The following H3C12 variants were observed in gnomAD, a reference collection of about 807,000 sequenced individuals.
The protein encoded by H3C12 is histone H3.1.
A neutral mutation model predicts 7.0 loss-of-function variants in H3C12; 7 were observed. The ratio of observed to expected loss-of-function variants is 1.00; its 90% CI spans 0.57 to 1.87. H3C12 has a LOEUF of 1.87. Ranked by LOEUF, H3C12 falls within the 40% of genes most tolerant of loss-of-function variation. The pLI, the probability that H3C12 is intolerant of heterozygous loss-of-function variation, is 0.00. For missense variants in H3C12, 167 were observed against 191.4 expected (o/e 0.87, Z 0.75); for synonymous variants, 100 against 78.5 (o/e 1.27, Z -1.45).
rs200973 is a variant in H3C12 at position 27,890,643 on chromosome 6, A to G, written c.150T>C (p.Arg50=). The G allele has an allele frequency of 0.17, 271,570 of 1,604,756 alleles. 24,315 individuals are homozygous for G. Among genetic ancestry groups the G allele is most frequent in the African/African-American group, 0.2 (14,788 of 74,830 alleles). Residue 50 remains arginine, a synonymous_variant, in exon 1 of 1, where the codon CGT becomes CGC. Transcript: ENST00000359303. ...HRYRPGTVAL[R]EIRRYQKSTE... ...TCGACTTCTGATAACGGCGGATCTC[A>G]CGCAAGGCCACGGTGCCTGGCCTGT...
In H3C12 at chr6:27,890,817, G is replaced by A. The variant is rs749869229; in HGVS notation, c.-25C>T. The stretch of plus-strand genomic sequence containing the variant: ...TAGTTGAGAAAGCTATGCTCTGAAA[G>A]CAAGCAGCTGAATGAGCAGTGGCTT... On this transcript the variant is annotated 5_prime_UTR_variant, in exon 1 of 1. Coordinates refer to ENST00000359303, the MANE Select transcript of H3C12 (RefSeq NM_003535.3). 1.3e-6 allele frequency: 2 copies of A among 1,589,088 alleles called. No homozygotes were observed.
Position 27,890,664 on chromosome 6 carries a change from C to T in H3C12, c.129G>A (p.Arg43=), listed in dbSNP as rs1359144150. Residue 43 remains arginine, a synonymous_variant, in exon 1 of 1, where the codon AGG becomes AGA. Coordinates refer to ENST00000359303, the MANE Select transcript of H3C12 (RefSeq NM_003535.3). ...TCTCACGCAAGGCCACGGTGCCTGG[C>T]CTGTAGCGGTGGGGCTTCTTCACAC... is the stretch of plus-strand genomic sequence containing the variant. ...TGGVKKPHRY[R]PGTVALREIR... 4 of 1,614,220 alleles carry T rather than the reference C, an allele frequency of 2.5e-6. No homozygotes were observed. The highest frequency in any genetic ancestry group is 2.5e-6 in the Non-Finnish European group (3 of 1,180,028).
chr6:27,890,447 T>C lies in H3C12; in HGVS notation c.346A>G (p.Lys116Glu). ...TCCTTAGGCATAATAGTGACACGCT[T>C]GGCGTGAATAGCACAGAGGTTGGTG... ...EDTNLCAIHA[K>E]RVTIMPKDIQ... The change falls in exon 1 of 1, where the codon AAG (lysine) becomes GAG (glutamate). Residue 116 changes from lysine (K) to glutamate (E), a missense_variant. By Grantham distance (56) the Lys-to-Glu change is moderately conservative (BLOSUM62 1). Transcript: ENST00000359303. 1 of 1,613,740 alleles carries C rather than the reference T, an allele frequency of 6.2e-7. No individual in the cohort carries two copies. Among genetic ancestry groups the C allele is most frequent in the Non-Finnish European group, 8.5e-7 (1 of 1,179,706 alleles).
Position 27,890,503 on chromosome 6 carries a change from C to T in H3C12, c.290G>A (p.Cys97Tyr), listed in dbSNP as rs1761876450. 5 of 1,614,164 alleles carry T rather than the reference C, an allele frequency of 3.1e-6. No homozygotes were observed. Among genetic ancestry groups the T allele is most frequent in the Non-Finnish European group, 4.2e-6 (5 of 1,180,052 alleles). ...AAAGAGACCCACCAGATAGGCCTCG[C>T]ACGCCTCTTGCAGCGCCATCACCGC... The part of the protein sequence containing the change: ...SSAVMALQEA[C>Y]EAYLVGLFED... Residue 97 changes from cysteine (C) to tyrosine (Y), a missense_variant, in exon 1 of 1, where the codon TGC becomes TAC. By Grantham distance (194) the Cys-to-Tyr change is radical. Around this residue, in one of 2 missense-constraint regions of H3C12, gnomAD observed 121 missense variants for 112.5 expected, o/e 1.08. Coordinates refer to ENST00000359303, the MANE Select transcript of H3C12 (RefSeq NM_003535.3).
rs755660727 is a variant in H3C12, at chr6:27,890,648, AGGCCACGGTGCCT to A, written c.132_144del (p.Gly45CysfsTer42). ...TTCTGATAACGGCGGATCTCACGCA[AGGCCACGGTGCCT>A]GGCCTGTAGCGGTGGGGCTTCTTCA... is the stretch of plus-strand genomic sequence containing the variant. On this transcript the variant is annotated frameshift_variant, in exon 1 of 1. Transcript: ENST00000359303. LOFTEE classifies it high-confidence loss of function. The A allele has an allele frequency of 2.5e-6, 4 of 1,614,220 alleles. No homozygotes were observed. The highest frequency in any genetic ancestry group is 3.4e-6 in the Non-Finnish European group (4 of 1,180,016).
Position 27,890,355 on chromosome 6 carries a change from T to C in H3C12, c.*27A>G, listed in dbSNP as rs1379513859. ...AGAGCCTTTGGAAGCTTGGAAGCAATTAAGAAACCCAAGATAGAGCAGGGG... is the reference window on the plus strand; with the variant it reads ...AGAGCCTTTGGAAGCTTGGAAGCAACTAAGAAACCCAAGATAGAGCAGGGG... On this transcript the variant is annotated 3_prime_UTR_variant, in exon 1 of 1. Transcript: ENST00000359303. 1 of 1,524,740 alleles carries C rather than the reference T, an allele frequency of 6.6e-7. No individual in the cohort carries two copies. The highest frequency in any genetic ancestry group is 8.8e-7 in the Non-Finnish European group (1 of 1,137,394). 94.5% of individuals were successfully genotyped at this position (1,524,740 alleles called of 1,614,324 possible).
chr6:27,890,458 G>C lies in H3C12; in HGVS notation c.335C>G (p.Ala112Gly). Residue 112 changes from alanine to glycine, a missense_variant, in exon 1 of 1, where the codon GCT becomes GGT. By Grantham distance (60) the Ala-to-Gly change is moderately conservative (BLOSUM62 0). This residue lies in a region of H3C12 where 121 missense variants were observed against 112.5 expected (regional missense o/e 1.08). Transcript: ENST00000359303. ...AATAGTGACACGCTTGGCGTGAATA[G>C]CACAGAGGTTGGTGTCTTCAAAGAG... ...VGLFEDTNLCAIHAKRVTIMP... is the reference protein window; with the variant it reads ...VGLFEDTNLCGIHAKRVTIMP... 6.2e-7 allele frequency: 1 copy of C among 1,614,160 alleles called. No homozygotes were observed. Among genetic ancestry groups the C allele is most frequent in the Non-Finnish European group, 8.5e-7 (1 of 1,179,966 alleles).
rs1761877649 is a variant in H3C12, at chr6:27,890,562, C to T, written c.231G>A (p.Gln77=). ...PFQRLVREIA[Q]DFKTDLRFQS... is the part of the protein sequence containing the mutation. ...GGAAACGAAGGTCGGTTTTGAAATC[C>T]TGCGCGATTTCTCGCACCAGGCGCT... The change falls in exon 1 of 1, where the codon CAG becomes CAA. Residue 77 remains glutamine, a synonymous_variant. Transcript: ENST00000359303. 1 of 1,614,148 alleles carries T rather than the reference C, an allele frequency of 6.2e-7. No homozygotes were observed. Among genetic ancestry groups the T allele is most frequent in the Admixed American group, 1.7e-5 (1 of 60,008 alleles).
Position 27,890,604 on chromosome 6 carries a change from G to C in H3C12, c.189C>G (p.Ile63Met). 1.9e-6 allele frequency: 3 copies of C among 1,614,224 alleles called. No individual in the cohort carries two copies. Among genetic ancestry groups the C allele is most frequent in the Non-Finnish European group, 2.5e-6 (3 of 1,180,018 alleles). ...RRYQKSTELL[I>M]RKLPFQRLVR... ...CCAGGCGCTGAAATGGCAGTTTGCG[G>C]ATGAGCAGCTCAGTCGACTTCTGAT... Residue 63 changes from isoleucine (I) to methionine (M), a missense_variant, in exon 1 of 1, where the codon ATC becomes ATG. Transcript: ENST00000359303.
Position 27,890,724 on chromosome 6 carries a change from G to C in H3C12, c.69C>G (p.Thr23=). 1 of 1,614,058 alleles carries C rather than the reference G, an allele frequency of 6.2e-7. No homozygotes were observed. Among genetic ancestry groups the C allele is most frequent in the Non-Finnish European group, 8.5e-7 (1 of 1,179,988 alleles). Residue 23 remains threonine, a synonymous_variant, in exon 1 of 1, where the codon ACC becomes ACG. Transcript: ENST00000359303. The stretch of plus-strand genomic sequence containing the variant: ...CTGGAGCGCTTTTGCGCGCTGCCTT[G>C]GTGGCCAGCTGCTTCCGCGGTGCCT... The part of the protein sequence containing the change: ...GGKAPRKQLA[T]KAARKSAPAT...
In H3C12 at chr6:27,890,365, C is replaced by T; in HGVS notation, c.*17G>A. On this transcript the variant is annotated 3_prime_UTR_variant, in exon 1 of 1. Coordinates refer to ENST00000359303, the MANE Select transcript of H3C12 (RefSeq NM_003535.3). ...GAAGCTTGGAAGCAATTAAGAAACC[C>T]AAGATAGAGCAGGGGATTATGCTCG... The T allele has an allele frequency of 1.9e-6, 3 of 1,539,260 alleles. No individual in the cohort carries two copies. The highest frequency in any genetic ancestry group is 2.6e-6 in the Non-Finnish European group (3 of 1,144,282).
chr6:27,890,605 A>G lies in H3C12; in HGVS notation c.188T>C (p.Ile63Thr). The change falls in exon 1 of 1, where the codon ATC becomes ACC. Residue 63 changes from isoleucine to threonine, a missense_variant. Physicochemically the swap from Ile to Thr is moderately conservative, Grantham distance 89 (BLOSUM62 -1). Around this residue, in one of 2 missense-constraint regions of H3C12, gnomAD observed 121 missense variants for 112.5 expected, o/e 1.08. Transcript: ENST00000359303. Reference sequence around the variant, plus strand: ...CAGGCGCTGAAATGGCAGTTTGCGGATGAGCAGCTCAGTCGACTTCTGATA... The same window carrying G: ...CAGGCGCTGAAATGGCAGTTTGCGGGTGAGCAGCTCAGTCGACTTCTGATA... The part of the protein sequence containing the change: ...RRYQKSTELL[I>T]RKLPFQRLVR... The G allele has an allele frequency of 1.9e-6, 3 of 1,614,218 alleles. No individual in the cohort carries two copies. Among genetic ancestry groups the G allele is most frequent in the South Asian group, 1.1e-5 (1 of 91,088 alleles).
In H3C12 at chr6:27,890,745, T is replaced by C. The variant is rs779828628; in HGVS notation, c.48A>G (p.Ala16=). 6.2e-7 allele frequency: 1 copy of C among 1,613,802 alleles called. No homozygotes were observed. Among genetic ancestry groups the C allele is most frequent in the Admixed American group, 1.7e-5 (1 of 59,924 alleles). ...CCTTGGTGGCCAGCTGCTTCCGCGG[T>C]GCCTTGCCGCCGGTAGACTTGCGAG... ...QTARKSTGGK[A]PRKQLATKAA... Residue 16 remains alanine, a synonymous_variant, in exon 1 of 1, where the codon GCA becomes GCG. Coordinates refer to ENST00000359303, the MANE Select transcript of H3C12 (RefSeq NM_003535.3).
Position 27,890,395 on chromosome 6 carries a change from C to T in H3C12, c.398G>A (p.Gly133Asp). 1.3e-6 allele frequency: 2 copies of T among 1,585,290 alleles called. No individual in the cohort carries two copies. The highest frequency in any genetic ancestry group is 1.7e-6 in the Non-Finnish European group (2 of 1,163,332). The change falls in exon 1 of 1, where the codon GGC (glycine) becomes GAC (aspartate). Residue 133 changes from glycine to aspartate, a missense_variant. Physicochemically the swap from Gly to Asp is moderately conservative, Grantham distance 94. Coordinates refer to ENST00000359303, the MANE Select transcript of H3C12 (RefSeq NM_003535.3). ...TAGAGCAGGGGATTATGCTCGCTCG[C>T]CACGGATACGACGCGCAAGCTGGAT... ...KDIQLARRIR[G>D]ERA
chr6:27,890,491 A>G lies in H3C12; in HGVS notation c.302T>C (p.Leu101Pro). Residue 101 changes from leucine to proline, a missense_variant, in exon 1 of 1, where the codon CTG becomes CCG. By Grantham distance (98) the Leu-to-Pro change is moderately conservative. This residue lies in a region of H3C12 where 121 missense variants were observed against 112.5 expected (regional missense o/e 1.08). Coordinates refer to ENST00000359303, the MANE Select transcript of H3C12 (RefSeq NM_003535.3). The part of the protein sequence containing the change: ...MALQEACEAY[L>P]VGLFEDTNLC... ...GTTGGTGTCTTCAAAGAGACCCACC[A>G]GATAGGCCTCGCACGCCTCTTGCAG... 2 of 1,614,274 alleles carry G rather than the reference A, an allele frequency of 1.2e-6. No individual in the cohort carries two copies. The highest frequency in any genetic ancestry group is 1.7e-6 in the Non-Finnish European group (2 of 1,180,042).
rs752103654 is a variant in H3C12, at chr6:27,890,376, A to G, written c.*6T>C. The G allele has an allele frequency of 1.0e-5, 16 of 1,558,612 alleles. No individual in the cohort carries two copies. The highest frequency in any genetic ancestry group is 1.4e-5 in the Non-Finnish European group (16 of 1,151,984). ...GCAATTAAGAAACCCAAGATAGAGC[A>G]GGGGATTATGCTCGCTCGCCACGGA... On this transcript the variant is annotated 3_prime_UTR_variant, in exon 1 of 1. Coordinates refer to ENST00000359303, the MANE Select transcript of H3C12 (RefSeq NM_003535.3).
In H3C12 at chr6:27,890,440, A is replaced by G; in HGVS notation, c.353T>C (p.Val118Ala). The G allele has an allele frequency of 6.2e-7, 1 of 1,613,066 alleles. No individual in the cohort carries two copies. Residue 118 changes from valine (V) to alanine (A), a missense_variant, in exon 1 of 1, where the codon GTC becomes GCC. Val to Ala is a moderately conservative substitution (Grantham distance 64). Transcript: ENST00000359303. ...TNLCAIHAKR[V>A]TIMPKDIQLA... The stretch of plus-strand genomic sequence containing the variant: ...CTGGATGTCCTTAGGCATAATAGTG[A>G]CACGCTTGGCGTGAATAGCACAGAG...
rs768107292 is a variant in H3C12, at chr6:27,890,661, T to C, written c.132A>G (p.Pro44=). Residue 44 remains proline (P), a synonymous_variant, in exon 1 of 1, where the codon CCA becomes CCG. Transcript: ENST00000359303. ...GGATCTCACGCAAGGCCACGGTGCC[T>C]GGCCTGTAGCGGTGGGGCTTCTTCA... The part of the protein sequence containing the change: ...GGVKKPHRYR[P]GTVALREIRR... The C allele has an allele frequency of 4.1e-5, 66 of 1,614,114 alleles. No homozygotes were observed. In the South Asian group the frequency reaches 6.9e-4, roughly 17 times the overall value.
Position 27,890,463 on chromosome 6 carries a change from G to A in H3C12, c.330C>T (p.Leu110=), listed in dbSNP as rs2113583359. ...YLVGLFEDTN[L]CAIHAKRVTI... ...TGACACGCTTGGCGTGAATAGCACA[G>A]AGGTTGGTGTCTTCAAAGAGACCCA... Residue 110 remains leucine, a synonymous_variant, in exon 1 of 1, where the codon CTC becomes CTT. Coordinates refer to ENST00000359303, the MANE Select transcript of H3C12 (RefSeq NM_003535.3). The A allele has an allele frequency of 1.2e-6, 2 of 1,614,262 alleles. No homozygotes were observed. Among genetic ancestry groups the A allele is most frequent in the Non-Finnish European group, 1.7e-6 (2 of 1,180,028 alleles).
Sources: gnomAD v4.1 joint callset for allele counts on GRCh38, gnomAD v4.1.1 for gene constraint, gnomAD v4.1.1 regional missense constraint, MANE v1.5 for transcripts, NCBI Gene and HGNC (gene_info 2026-07-23, HGNC 2026-07-21) for gene names.